ZFAT: variants seen among roughly 807,000 people sequenced by gnomAD.
The protein encoded by ZFAT is zinc finger protein ZFAT.
In ZFAT, 64 loss-of-function variants were observed where a neutral mutation model predicts 117.7. That is an observed-to-expected ratio of 0.54 (90% CI 0.44 to 0.67). The LOEUF (loss-of-function observed/expected upper bound fraction) is 0.67, where lower values mean the gene tolerates loss of function less well. Ranked by LOEUF, ZFAT falls within the 30% of genes least tolerant of loss-of-function variation. ZFAT has a pLI of 0.00. For missense variants in ZFAT, 1,433 were observed against 1,584.5 expected (o/e 0.90, Z 1.62); for synonymous variants, 679 against 615.0 (o/e 1.10, Z -1.54).
chr8:134,789,203 T>C, the ZFAT span, among the ~76,000 whole-genome samples: 1 of 152,194 alleles, frequency 6.6e-6, no homozygotes, highest in Non-Finnish European at 1.5e-5. Context: ...ACATGCACCC[T>C]TGTCTTCATA....
At chr8:134,560,401 T>A (rs1341293747) in intron 11 of ZFAT, among the ~76,000 whole-genome samples, 5 of 152,246 alleles carry the variant, frequency 3.3e-5, no homozygotes, top group Admixed American at 3.3e-4. Context: ...CAAAGAGGTA[T>A]CCTCTTTAGA....
intron 2 of ZFAT, among the ~76,000 whole-genome samples, chr8:134,640,702 G>A (rs1830532028): frequency 6.6e-6 from 1 of 152,164 alleles, no homozygotes; most frequent in Admixed American, 6.5e-5. Flanking sequence ...CCTCAAACAC[G>A]ATGGTGACAA....
the ZFAT span, among the ~76,000 whole-genome samples, chr8:134,805,789 T>C: frequency 6.6e-6 from 1 of 151,972 alleles, no homozygotes; most frequent in Non-Finnish European, 1.5e-5. Context: ...AAGACCAGCC[T>C]TGGGCTAAGT....
chr8:134,797,840 A>G, the ZFAT span: 2 of 151,978 alleles, frequency 1.3e-5, no homozygotes, highest in African/African-American at 4.8e-5. Context: ...AAAAAAATAA[A>G]AATACCTTTA....
intron 12 of ZFAT, among the ~76,000 whole-genome samples, chr8:134,530,220 T>C (rs968429387): frequency 2.0e-5 from 3 of 152,256 alleles, no homozygotes; most frequent in Non-Finnish European, 4.4e-5. Flanking sequence ...GATGTTATTT[T>C]AAGACATCTT....
the ZFAT span, chr8:134,794,010 A>G: frequency 6.6e-6 from 1 of 152,264 alleles, no homozygotes. Context: ...TAAAGGTTAC[A>G]TAGTAAAGAT....
intron 1 of ZFAT, among the ~76,000 whole-genome samples, chr8:134,668,613 C>G (rs1286626177): frequency 6.6e-6 from 1 of 152,210 alleles, no homozygotes; most frequent in African/African-American, 2.4e-5. Flanking sequence ...ACGTCACCAT[C>G]ATCAAAGACC....
At chr8:134,718,134 TTGAC>T in the ZFAT span, among the ~76,000 whole-genome samples, 5 of 152,222 alleles carry the variant, frequency 3.3e-5, no homozygotes, top group East Asian at 1.9e-4. Flanking sequence ...ACAAGATAAT[TTGAC>T]TGTGTAAATG....
chr8:134,742,103 T>C, the ZFAT span, among the ~76,000 whole-genome samples: 2 of 152,038 alleles, frequency 1.3e-5, no homozygotes, highest in Admixed American at 1.3e-4. Context: ...TGCAACCTGA[T>C]AAATTTTTCT....
upstream of ZFAT, among the ~76,000 whole-genome samples, chr8:134,717,748 G>C (rs934923473): frequency 3.3e-5 from 5 of 151,792 alleles, no homozygotes; most frequent in African/African-American, 1.2e-4. Flanking sequence ...ACCCAGGCCA[G>C]AGTGCAGTGG....
At chr8:134,825,878 G>A in the ZFAT span, among the ~76,000 whole-genome samples, 5 of 152,120 alleles carry the variant, frequency 3.3e-5, no homozygotes, top group East Asian at 1.9e-4. Flanking sequence ...AAAATTAGCC[G>A]GGCGTGGTGG....
At chr8:134,486,502 A>G (rs534486873) in intron 15 of ZFAT, among the ~76,000 whole-genome samples, 24 of 152,220 alleles carry the variant, frequency 1.6e-4, no homozygotes, top group Non-Finnish European at 3.1e-4. Context: ...CTTGGAGAAC[A>G]GCCCTCTCGT....
At chr8:134,670,972 C>T (rs2131263318) in intron 1 of ZFAT, among the ~76,000 whole-genome samples, 1 of 152,284 alleles carries the variant, frequency 6.6e-6, no homozygotes, top group East Asian at 1.9e-4. Flanking sequence ...ATACTATAAA[C>T]ACCTCTATGT....
intron 15 of ZFAT, among the ~76,000 whole-genome samples, chr8:134,486,889 T>G (rs1299161182): frequency 6.6e-6 from 1 of 152,102 alleles, no homozygotes; most frequent in African/African-American, 2.4e-5. Context: ...GGGTTTGCTA[T>G]GTACACGTGC....
At chr8:134,586,276 A>C (rs1010353760) in intron 9 of ZFAT, among the ~76,000 whole-genome samples, 2 of 152,266 alleles carry the variant, frequency 1.3e-5, no homozygotes, top group African/African-American at 4.8e-5. Flanking sequence ...ACATTACTGC[A>C]TCATCACAAG....
intron 1 of ZFAT, among the ~76,000 whole-genome samples, chr8:134,681,205 T>G (rs1210161835): frequency 6.6e-6 from 1 of 152,294 alleles, no homozygotes; most frequent in East Asian, 1.9e-4. Context: ...AGGCTGGCTA[T>G]GGACCCCACA....
intron 11 of ZFAT, among the ~76,000 whole-genome samples, chr8:134,559,024 G>A (rs189831826): frequency 6.6e-6 from 1 of 152,104 alleles, no homozygotes; most frequent in Admixed American, 6.5e-5. Context: ...TTCATAGGAT[G>A]GTATCATGGA....
At chr8:134,682,809 C>T (rs1488232651) in intron 1 of ZFAT, among the ~76,000 whole-genome samples, 1 of 152,160 alleles carries the variant, frequency 6.6e-6, no homozygotes, top group Non-Finnish European at 1.5e-5. Flanking sequence ...CCTTTTTCCC[C>T]ACTCTGCACA....
chr8:134,670,422 C>G (rs1488316308), intron 1 of ZFAT, among the ~76,000 whole-genome samples: 4 of 152,248 alleles, frequency 2.6e-5, no homozygotes, highest in African/African-American at 9.6e-5. Flanking sequence ...ACAGTGCAAT[C>G]AAACTAGAAC....
Sources: allele counts gnomAD v4.1 joint callset (sites outside exome capture counted in the v4.1 genomes callset), GRCh38; gene constraint gnomAD v4.1.1; transcripts MANE v1.5; gene names NCBI Gene and HGNC (gene_info 2026-07-23, HGNC 2026-07-21).